The following TAOK3 variants were observed in gnomAD, a reference collection of about 807,000 sequenced individuals.
The protein encoded by TAOK3 is TAO kinase 3, also known as serine/threonine-protein kinase TAO3.
In TAOK3, 40 loss-of-function variants were observed where a neutral mutation model predicts 120.4. That is an observed-to-expected ratio of 0.33 (90% confidence interval 0.26 to 0.43). The LOEUF is 0.43. Ranked by LOEUF, TAOK3 falls within the 20% of genes least tolerant of loss-of-function variation. The pLI, the probability that TAOK3 is intolerant of heterozygous loss-of-function variation, is 1.00. For synonymous variants in TAOK3, 355 were observed against 387.5 expected, an observed-to-expected ratio of 0.92 and a Z score of 0.99; for missense variants, 821 against 1,112.1, an observed-to-expected ratio of 0.74 and a Z score of 3.72.
chr12:118,229,918 G>A (rs140179093), intron 9 of TAOK3, among the ~76,000 whole-genome samples: 1 of 152,094 alleles, frequency 6.6e-6, no homozygotes, highest in African/African-American at 2.4e-5. Context: ...GAGACAGAGC[G>A]AGACTCTGTC....
chr12:118,191,780 A>G (rs1233385451), intron 13 of TAOK3, among the ~76,000 whole-genome samples: 2 of 152,218 alleles, frequency 1.3e-5, no homozygotes, highest in Non-Finnish European at 2.9e-5. Flanking sequence ...ATTTGCTAAT[A>G]AATTTATGTA....
chr12:118,205,240 G>A (rs546402144), intron 11 of TAOK3, among the ~76,000 whole-genome samples: 40 of 151,448 alleles, frequency 2.6e-4, no homozygotes, highest in Non-Finnish European at 4.0e-4. Context: ...GGTAGTGCCC[G>A]CCTATAGTCC....
intron 1 of TAOK3, among the ~76,000 whole-genome samples, chr12:118,291,912 C>T (rs1035838361): frequency 6.6e-6 from 1 of 152,092 alleles, no homozygotes; most frequent in Non-Finnish European, 1.5e-5. Context: ...CCTCCGGGTT[C>T]AAGCGATTCT....
Position 118,371,034 on chromosome 12 carries a change from T to C in TAOK3, c.-194+1614A>G, listed in dbSNP as rs2045877558. On this transcript the variant is annotated intron_variant, in intron 1 of 20. Transcript: ENST00000392533. This position sits in a 1 kb window ranked among gnomAD's most constrained non-coding sequence, Gnocchi z 5.5. ...TGACCTTCCAACTATCTCCAACAGA[T>C]CAAAGTTAAACAGTCCAGATTCCAA... Among the ~76,000 whole-genome samples the C allele has an allele frequency of 6.6e-6, 1 of 152,308 alleles. No individual in the cohort carries two copies. Among genetic ancestry groups the C allele is most frequent in the African/African-American group, 2.4e-5 (1 of 41,560 alleles).
At chr12:118,269,529 C>T (rs1240938527) in intron 1 of TAOK3, among the ~76,000 whole-genome samples, 1 of 151,750 alleles carries the variant, frequency 6.6e-6, no homozygotes, top group East Asian at 1.9e-4. Context: ...CACCACCACG[C>T]CTGGCTAATT....
chr12:118,176,179 G>A (rs2036311775), intron 16 of TAOK3, among the ~76,000 whole-genome samples: 1 of 152,162 alleles, frequency 6.6e-6, no homozygotes, highest in South Asian at 2.1e-4. Context: ...GGAGAAGTAG[G>A]AATTAACCGA....
intron 1 of TAOK3, among the ~76,000 whole-genome samples, chr12:118,362,520 T>C (rs903402789): frequency 7.2e-5 from 11 of 151,938 alleles, no homozygotes; most frequent in South Asian, 2.1e-4. Context: ...GTAAGTGCTA[T>C]GGAGAAGGAT....
At chr12:118,170,851 A>T (rs1055556427) in intron 17 of TAOK3, among the ~76,000 whole-genome samples, 89 of 152,300 alleles carry the variant, frequency 5.8e-4, no homozygotes, top group African/African-American at 2.0e-3. Flanking sequence ...CATGTGTTCA[A>T]TACATTTTAG....
At chr12:118,352,724 T>G (rs905356682) in intron 1 of TAOK3, among the ~76,000 whole-genome samples, 4 of 152,126 alleles carry the variant, frequency 2.6e-5, no homozygotes, top group Non-Finnish European at 5.9e-5. Flanking sequence ...TCTTATTTAT[T>G]TTTTGAGACA....
At chr12:118,278,603 A>G (rs2041984948) in intron 1 of TAOK3, among the ~76,000 whole-genome samples, 1 of 152,206 alleles carries the variant, frequency 6.6e-6, no homozygotes, top group East Asian at 1.9e-4. Flanking sequence ...TGCAATGAGC[A>G]TATGGGTACA....
intron 11 of TAOK3, among the ~76,000 whole-genome samples, chr12:118,207,858 T>TCTCACACACACACACACACACA (rs147799225): frequency 2.1e-5 from 3 of 144,350 alleles, no homozygotes; most frequent in Non-Finnish European, 3.0e-5. Context: ...AGACTCTGTC[T>TCTCACACACACACACACACACA]CACACACACA....
At chr12:118,366,875 A>T (rs529554848) in intron 1 of TAOK3, among the ~76,000 whole-genome samples, 18 of 152,274 alleles carry the variant, frequency 1.2e-4, no homozygotes, top group Admixed American at 1.0e-3. Flanking sequence ...GGATCACTTG[A>T]GGCCAGCAGT....
rs1832157477 is a variant in TAOK3 at position 118,161,991 on chromosome 12, G to A, written c.1936C>T (p.His646Tyr). 6.2e-7 allele frequency: 1 copy of A among 1,613,924 alleles called. No individual in the cohort carries two copies. Among genetic ancestry groups the A allele is most frequent in the Admixed American group, 1.7e-5 (1 of 59,992 alleles). Reference protein sequence around the residue: ...NKKRTQKEMEHAMLIRHDEST... With the variant: ...NKKRTQKEMEYAMLIRHDEST... ...TCGTCGTGCCGGATTAGCATGGCAT[G>A]CTCCATCTCCTTCTGGGTCCTCTTT... is the stretch of plus-strand genomic sequence containing the variant. Residue 646 changes from histidine to tyrosine, a missense_variant, in exon 18 of 21, where the codon CAT becomes TAT. By Grantham distance (83) the His-to-Tyr change is moderately conservative. This residue lies in a region of TAOK3 where 354 missense variants were observed against 572.1 expected (regional missense o/e 0.62). Transcript: ENST00000392533. The surrounding 1 kb of genome is among the most constrained non-coding windows in gnomAD (Gnocchi z 4.5).
In TAOK3 at chr12:118,279,908, G is replaced by A. The variant is rs183768779; in HGVS notation, c.-193-13149C>T. 3.0e-3 allele frequency among the ~76,000 whole-genome samples: 455 copies of A among 151,680 alleles called. 8 individuals carry two copies. The highest frequency in any genetic ancestry group is 0.01 in the Middle Eastern group (3 of 294). ...AGCCTCCCAAGTAGCTGGGATTATAGGCGCCCGCCACCACGTCCAGCTAAT... is the reference window on the plus strand; with the variant it reads ...AGCCTCCCAAGTAGCTGGGATTATAAGCGCCCGCCACCACGTCCAGCTAAT... On this transcript the variant is annotated intron_variant, in intron 1 of 20. Transcript: ENST00000392533.
chr12:118,227,926 A>G (rs1345204317), intron 9 of TAOK3, among the ~76,000 whole-genome samples: 3 of 151,748 alleles, frequency 2.0e-5, no homozygotes, highest in Non-Finnish European at 4.4e-5. Context: ...TAATTTTTGA[A>G]AAGTTCAATT....
At chr12:118,202,281 G>T (rs977226153) in intron 11 of TAOK3, among the ~76,000 whole-genome samples, 9 of 151,530 alleles carry the variant, frequency 5.9e-5, no homozygotes, top group Admixed American at 1.3e-4. Context: ...GAACACATAG[G>T]ATGTTTCCTT....
chr12:118,178,963 G>A (rs1182038701), intron 15 of TAOK3, among the ~76,000 whole-genome samples: 1 of 152,256 alleles, frequency 6.6e-6, no homozygotes, highest in East Asian at 1.9e-4. Context: ...CATGGCTCAT[G>A]GCTCTTTTTA....
chr12:118,319,675 T>A lies in TAOK3; in HGVS notation c.-193-52916A>T, dbSNP rs999178168. Among the ~76,000 whole-genome samples, 9 of 151,412 alleles carry A rather than the reference T, an allele frequency of 5.9e-5. No individual in the cohort carries two copies. The South Asian group carries it at 1.3e-3, about 21-fold the overall frequency. On this transcript the variant is annotated intron_variant, in intron 1 of 20. Transcript: ENST00000392533. ...TTATACTCATTAAGATGATTATAAT[T>A]AAAAAAAAACCAGAAAACAACAAGT...
intron 17 of TAOK3, among the ~76,000 whole-genome samples, chr12:118,167,565 G>A (rs553128772): frequency 6.6e-6 from 1 of 151,774 alleles, no homozygotes; most frequent in Admixed American, 6.6e-5. Flanking sequence ...AGAGCTGTAC[G>A]TGCTGGAAGG....
Sources: allele counts gnomAD v4.1 joint callset (sites outside exome capture counted in the v4.1 genomes callset), GRCh38; gene constraint gnomAD v4.1.1; regional missense constraint gnomAD v4.1.1; non-coding constraint Gnocchi (gnomAD v3.1); transcripts MANE v1.5; gene names NCBI Gene and HGNC (gene_info 2026-07-23, HGNC 2026-07-21).